The following OCA2 variants were observed in gnomAD, a reference collection of about 807,000 sequenced individuals.
OCA2 encodes the protein P protein.
A neutral mutation model predicts 100.2 loss-of-function variants in OCA2; 77 were observed. The ratio of observed to expected loss-of-function variants is 0.77; its 90% CI spans 0.64 to 0.93. OCA2 has a LOEUF of 0.93. OCA2 is among the 40% of genes least tolerant of loss of function. The pLI is 0.00. For synonymous variants in OCA2, 432 were observed against 439.2 expected, an observed-to-expected ratio of 0.98 and a Z score of 0.21; for missense variants, 1,062 against 1,089.1, an observed-to-expected ratio of 0.98 and a Z score of 0.35.
Position 27,957,863 on chromosome 15 carries a change from G to A in OCA2, c.1637-128C>T. On this transcript the variant is annotated intron_variant, in intron 15 of 23. Transcript: ENST00000354638. The surrounding 1 kb of genome is among the most constrained non-coding windows in gnomAD (Gnocchi z 4.3). ...CACTCGAGACGTGCAGGTAGCCCAG[G>A]GTCACCCAGAGCTTCTCAGCACCTG... The A allele has an allele frequency of 9.2e-7, 1 of 1,092,452 alleles. No individual in the cohort carries two copies. The highest frequency in any genetic ancestry group is 1.3e-5 in the South Asian group (1 of 75,984). The allele number at this position is 1,092,452 out of a possible 1,614,324, so 67.7% of individuals were successfully genotyped here.
Position 27,828,839 on chromosome 15 carries a change from C to T in OCA2, c.2432+16120G>A, listed in dbSNP as rs575813360. Among the ~76,000 whole-genome samples the T allele has an allele frequency of 2.0e-5, 3 of 152,270 alleles. No homozygotes were observed. In the South Asian group the frequency reaches 6.2e-4, roughly 32 times the overall value. ...GGGGTTGCACGCTTCAGGAAGAAGA[C>T]CTGGCTCTCCGTGGCATGAAGTCAG... On this transcript the variant is annotated intron_variant, in intron 23 of 23. Transcript: ENST00000354638.
chr15:27,865,654 G>A (rs889459359), intron 21 of OCA2, among the ~76,000 whole-genome samples: 29 of 152,174 alleles, frequency 1.9e-4, no homozygotes, highest in African/African-American at 7.0e-4. Flanking sequence ...TTTGGTTAGC[G>A]CCAACCCTGA....
intron 2 of OCA2, among the ~76,000 whole-genome samples, chr15:28,065,005 C>T (rs746621696): frequency 2.6e-5 from 4 of 152,034 alleles, no homozygotes; most frequent in Non-Finnish European, 4.4e-5. Flanking sequence ...CTTTTCATGT[C>T]TGTTTCCTAA....
At chr15:27,823,165 C>T (rs575898729) in intron 23 of OCA2, among the ~76,000 whole-genome samples, 50 of 152,296 alleles carry the variant, frequency 3.3e-4, no homozygotes, top group African/African-American at 1.0e-3. Flanking sequence ...GAGCCTTATA[C>T]GTTTGAGCCT....
At position 27,957,916 on chromosome 15, in the gene OCA2, A is replaced by G. The variant is rs1056953177; in HGVS notation, c.1637-181T>C. On this transcript the variant is annotated intron_variant, in intron 15 of 23. Coordinates refer to ENST00000354638, the MANE Select transcript of OCA2 (RefSeq NM_000275.3). The surrounding 1 kb of genome is among the most constrained non-coding windows in gnomAD (Gnocchi z 4.3). ...CTATTGCAATGGAGCCCAGACGACA[A>G]AGCCGACATTTAAAAATTATCACAA... 1.3e-5 allele frequency among the ~76,000 whole-genome samples: 2 copies of G among 152,198 alleles called. No individual in the cohort carries two copies. The highest frequency in any genetic ancestry group is 4.8e-5 in the African/African-American group (2 of 41,450).
Position 27,986,586 on chromosome 15 carries a change from C to G in OCA2, c.1239+1G>C. 1 of 1,565,148 alleles carries G rather than the reference C, an allele frequency of 6.4e-7. No homozygotes were observed. The highest frequency in any genetic ancestry group is 8.8e-7 in the Non-Finnish European group (1 of 1,134,970). The stretch of plus-strand genomic sequence containing the variant: ...ATTATTAAATGCAACATCATACCTA[C>G]CTTTACAGCACAATAATCGAAAAAT... On this transcript the variant is annotated splice_donor_variant, in intron 12 of 23. Coordinates refer to ENST00000354638, the MANE Select transcript of OCA2 (RefSeq NM_000275.3). LOFTEE classifies it high-confidence loss of function.
chr15:27,889,343 C>G (rs540351486), intron 19 of OCA2, among the ~76,000 whole-genome samples: 2 of 152,296 alleles, frequency 1.3e-5, no homozygotes, highest in South Asian at 4.1e-4. Flanking sequence ...AGCATTTTCT[C>G]TTACAGAAAC....
rs116798375 is a variant in OCA2 at position 27,838,336 on chromosome 15, A to C, written c.2432+6623T>G. Among the ~76,000 whole-genome samples, 448 of 152,350 alleles carry C rather than the reference A, an allele frequency of 2.9e-3. 3 individuals are homozygous for C. The highest frequency in any genetic ancestry group is 0.01 in the African/African-American group (424 of 41,582). ...AAGGTGTTCCAGGAAGACTATAATC[A>C]AATGAAAATGTAATCAGGGGCATTA... On this transcript the variant is annotated intron_variant, in intron 23 of 23. Transcript: ENST00000354638.
At chr15:28,005,079 C>G (rs1030256635) in intron 9 of OCA2, among the ~76,000 whole-genome samples, 1 of 152,120 alleles carries the variant, frequency 6.6e-6, no homozygotes. Flanking sequence ...CGAGCTGGAC[C>G]GTGGTGTCAG....
chr15:27,996,432 G>A (rs1455922040), intron 9 of OCA2, among the ~76,000 whole-genome samples: 2 of 151,650 alleles, frequency 1.3e-5, no homozygotes, highest in Admixed American at 6.6e-5. Flanking sequence ...TATACCTCAA[G>A]GAAATAGAAG....
chr15:27,719,044 C>A, the OCA2 span, among the ~76,000 whole-genome samples: 1 of 152,178 alleles, frequency 6.6e-6, no homozygotes, highest in Admixed American at 6.5e-5. Flanking sequence ...ATTGGCCCAG[C>A]CCCAACTTCT....
chr15:28,019,813 G>T (rs2042533565), intron 6 of OCA2, among the ~76,000 whole-genome samples: 1 of 152,158 alleles, frequency 6.6e-6, no homozygotes, highest in African/African-American at 2.4e-5. Flanking sequence ...CTTGTGGGGG[G>T]CAGGGTCCAG....
intron 23 of OCA2, among the ~76,000 whole-genome samples, chr15:27,837,105 C>T (rs17651351): frequency 0.068 from 10,367 of 152,284 alleles, 427 homozygotes; most frequent in South Asian, 0.14. Flanking sequence ...CCCTGGTCCC[C>T]ATGGAGGAAT....
At chr15:28,004,586 T>C (rs2042033344) in intron 9 of OCA2, among the ~76,000 whole-genome samples, 1 of 150,752 alleles carries the variant, frequency 6.6e-6, no homozygotes, top group Non-Finnish European at 1.5e-5. Flanking sequence ...ACTCACACAC[T>C]AACTGGTATA....
chr15:27,918,634 A>G (rs1260414326), intron 19 of OCA2, among the ~76,000 whole-genome samples: 1 of 152,246 alleles, frequency 6.6e-6, no homozygotes, highest in Admixed American at 6.5e-5. Flanking sequence ...AGTTGAAAAC[A>G]TATTATATCC....
At chr15:27,798,575 T>C (rs2033448074) in intron 23 of OCA2, among the ~76,000 whole-genome samples, 1 of 152,168 alleles carries the variant, frequency 6.6e-6, no homozygotes, top group African/African-American at 2.4e-5. Flanking sequence ...GCTTCCTCGC[T>C]CTGACCCTGA....
chr15:28,003,228 G>C (rs1227688560), intron 9 of OCA2, among the ~76,000 whole-genome samples: 1 of 152,276 alleles, frequency 6.6e-6, no homozygotes, highest in East Asian at 1.9e-4. Context: ...TAGAAGCTTA[G>C]CTCCGCAATA....
chr15:27,854,835 G>A (rs549381697), intron 21 of OCA2, among the ~76,000 whole-genome samples: 9 of 152,198 alleles, frequency 5.9e-5, no homozygotes, highest in East Asian at 3.9e-4. Flanking sequence ...AACACGGCAC[G>A]CCACCCGGAA....
chr15:27,755,207 G>A lies in OCA2; in HGVS notation c.*181C>T, dbSNP rs957363734. On this transcript the variant is annotated 3_prime_UTR_variant, in exon 24 of 24. Coordinates refer to ENST00000354638, the MANE Select transcript of OCA2 (RefSeq NM_000275.3). ...AGAAAGGACACACAGAGGAGGTCAT[G>A]GTGTTCCAACATTCGCTTGAATTAG... 3.2e-6 allele frequency: 2 copies of A among 619,302 alleles called. No individual in the cohort carries two copies. Among genetic ancestry groups the A allele is most frequent in the Non-Finnish European group, 3.0e-6 (1 of 333,784 alleles). The allele number at this position is 619,302 out of a possible 1,614,324, so 38.4% of individuals were successfully genotyped here. A position where few individuals can be genotyped will look rare whatever the true frequency, so the allele number is the denominator to read the frequency against.
Sources: gnomAD v4.1 joint callset for allele counts (sites outside exome capture counted in the v4.1 genomes callset) on GRCh38, gnomAD v4.1.1 for gene constraint, Gnocchi (gnomAD v3.1) non-coding constraint, MANE v1.5 for transcripts, NCBI Gene and HGNC (gene_info 2026-07-23, HGNC 2026-07-21) for gene names.